The following DLGAP1 variants were observed in gnomAD, a reference collection of about 807,000 sequenced individuals.
DLGAP1 encodes DLG associated protein 1, also known as disks large-associated protein 1.
In DLGAP1, 11 loss-of-function variants were observed where a neutral mutation model predicts 90.8. The ratio of observed to expected loss-of-function variants is 0.12; its 90% CI spans 0.08 to 0.20. DLGAP1 has a LOEUF of 0.20. Among genes scored for constraint, DLGAP1 ranks in the 10% least tolerant of loss-of-function variants. The probability of loss-of-function intolerance (pLI) is 1.00; values close to 1 mark genes in which losing one functional copy is unlikely to be tolerated. For synonymous variants in DLGAP1, 558 were observed against 540.7 expected, an observed-to-expected ratio of 1.03 and a Z score of -0.44; for missense variants, 1,050 against 1,333.8, an observed-to-expected ratio of 0.79 and a Z score of 3.31.
At chr18:3,713,753 G>A (rs1375754541) in intron 7 of DLGAP1, among the ~76,000 whole-genome samples, 1 of 152,196 alleles carries the variant, frequency 6.6e-6, no homozygotes, top group Non-Finnish European at 1.5e-5. Flanking sequence ...AAAGAAACAT[G>A]TTTATGACAC....
chr18:4,313,365 G>C (rs953277570), intron 1 of DLGAP1, among the ~76,000 whole-genome samples: 1 of 152,156 alleles, frequency 6.6e-6, no homozygotes, highest in African/African-American at 2.4e-5. Context: ...GGTTGGTACC[G>C]TTGAGAAATG....
intron 3 of DLGAP1, among the ~76,000 whole-genome samples, chr18:3,889,937 C>T (rs1182131205): frequency 6.6e-6 from 1 of 152,140 alleles, no homozygotes; most frequent in Non-Finnish European, 1.5e-5. Context: ...CCATGGAACC[C>T]CAGCGAAAGA....
At chr18:4,105,816 G>T (rs996310511) in intron 2 of DLGAP1, among the ~76,000 whole-genome samples, 4 of 151,884 alleles carry the variant, frequency 2.6e-5, no homozygotes, top group Admixed American at 2.6e-4. Context: ...GGATCATGAG[G>T]TCAGGAGATC....
At chr18:3,647,491 A>T (rs1254417768) in intron 7 of DLGAP1, among the ~76,000 whole-genome samples, 2 of 149,108 alleles carry the variant, frequency 1.3e-5, no homozygotes. Flanking sequence ...TTTTAAACCG[A>T]GACTTGCTCT....
At chr18:4,047,262 C>T (rs1000146979) in intron 2 of DLGAP1, among the ~76,000 whole-genome samples, 4 of 152,202 alleles carry the variant, frequency 2.6e-5, no homozygotes, top group African/African-American at 9.7e-5. Flanking sequence ...TATAATAACA[C>T]ATGCATAATT....
intron 2 of DLGAP1, among the ~76,000 whole-genome samples, chr18:4,124,714 T>C (rs2076206126): frequency 6.6e-6 from 1 of 152,242 alleles, no homozygotes; most frequent in East Asian, 1.9e-4. Flanking sequence ...ACTCATTCAA[T>C]ACTTTTTATT....
chr18:3,621,520 A>C (rs555197393), intron 7 of DLGAP1, among the ~76,000 whole-genome samples: 1 of 152,340 alleles, frequency 6.6e-6, no homozygotes, highest in East Asian at 1.9e-4. Flanking sequence ...CTCTTGTGCC[A>C]ATCAGAGAGT....
chr18:4,222,070 A>C (rs1041755307), intron 1 of DLGAP1, among the ~76,000 whole-genome samples: 1 of 152,080 alleles, frequency 6.6e-6, no homozygotes, highest in African/African-American at 2.4e-5. Context: ...TTTCTCTCCT[A>C]AAACATCATC....
intron 5 of DLGAP1, chr18:3,770,815 T>C (rs1272243344): frequency 6.6e-6 from 1 of 152,186 alleles, no homozygotes; most frequent in East Asian, 1.9e-4. Context: ...ATACTCTGAC[T>C]AAATCAATTA....
At chr18:3,717,553 T>C (rs952905400) in intron 7 of DLGAP1, among the ~76,000 whole-genome samples, 1 of 152,224 alleles carries the variant, frequency 6.6e-6, no homozygotes, top group African/African-American at 2.4e-5. Context: ...ATTGAAACTT[T>C]GTTCCTCAAA....
At chr18:3,638,225 G>C (rs112212674) in intron 7 of DLGAP1, among the ~76,000 whole-genome samples, 19,735 of 149,560 alleles carry the variant, frequency 0.13, 1,605 homozygotes, top group African/African-American at 0.22. Flanking sequence ...GGGATTACAG[G>C]CGTGAGCCAC....
intron 1 of DLGAP1, among the ~76,000 whole-genome samples, chr18:4,174,871 T>C (rs1201927976): frequency 2.0e-5 from 3 of 152,178 alleles, no homozygotes; most frequent in Non-Finnish European, 4.4e-5. Context: ...TGTTTGGTTT[T>C]CTGTTTTGTG....
At chr18:4,077,772 T>C (rs1156422903) in intron 2 of DLGAP1, among the ~76,000 whole-genome samples, 1 of 152,204 alleles carries the variant, frequency 6.6e-6, no homozygotes, top group Non-Finnish European at 1.5e-5. Context: ...GGGATTCCTT[T>C]ATAGCAACAC....
At chr18:4,062,465 T>C (rs2075312765) in intron 2 of DLGAP1, among the ~76,000 whole-genome samples, 1 of 152,166 alleles carries the variant, frequency 6.6e-6, no homozygotes, top group Middle Eastern at 3.2e-3. Flanking sequence ...CCAAGTTATC[T>C]TGGGACCTTG....
At chr18:3,798,350 G>T (rs1170189987) in intron 5 of DLGAP1, among the ~76,000 whole-genome samples, 5 of 152,212 alleles carry the variant, frequency 3.3e-5, no homozygotes, top group Admixed American at 6.5e-5. Context: ...TGGTGGAGCA[G>T]GTTGCTTCAT....
At chr18:4,008,764 T>C (rs2074356469) in intron 2 of DLGAP1, among the ~76,000 whole-genome samples, 1 of 152,246 alleles carries the variant, frequency 6.6e-6, no homozygotes, top group Admixed American at 6.5e-5. Context: ...GTTGCTTTTT[T>C]GTATTCGTTT....
chr18:4,356,998 A>G (rs2081530097), intron 1 of DLGAP1, among the ~76,000 whole-genome samples: 3 of 152,000 alleles, frequency 2.0e-5, no homozygotes, highest in African/African-American at 7.2e-5. Flanking sequence ...ACACCTTTAT[A>G]GATGAATTCT....
At chr18:4,068,734 C>T (rs1261381357) in intron 2 of DLGAP1, among the ~76,000 whole-genome samples, 1 of 152,196 alleles carries the variant, frequency 6.6e-6, no homozygotes, top group African/African-American at 2.4e-5. Flanking sequence ...CCGGTTCTTG[C>T]TCTGTACTGC....
chr18:4,433,262 A>G lies in DLGAP1; in HGVS notation c.-267+21744T>C, dbSNP rs2083329671. ...TGTGAGTCTCAATTTATTCATCTGT[A>G]ATAAGGTGCCAGAAAGGGACTAATG... On this transcript the variant is annotated intron_variant, in intron 1 of 12. Transcript: ENST00000315677. Among the ~76,000 whole-genome samples the G allele has an allele frequency of 2.0e-5, 3 of 152,360 alleles. No homozygotes were observed. In the South Asian group the frequency reaches 6.2e-4, roughly 32 times the overall value.
Sources: allele counts gnomAD v4.1 joint callset (sites outside exome capture counted in the v4.1 genomes callset), GRCh38; gene constraint gnomAD v4.1.1; transcripts MANE v1.5; gene names NCBI Gene and HGNC (gene_info 2026-07-23, HGNC 2026-07-21).